SDC2: variants seen among roughly 807,000 people sequenced by gnomAD.
The protein encoded by SDC2 is syndecan 2, also known as syndecan-2.
Under a neutral mutation model 22.2 loss-of-function variants are expected in SDC2, and 13 were observed. That is an observed-to-expected ratio of 0.59 (90% confidence interval 0.38 to 0.93). The LOEUF is 0.93. SDC2 is among the 40% of genes least tolerant of loss of function. The pLI is 0.00. For missense variants in SDC2, 235 were observed against 246.8 expected (o/e 0.95, Z 0.32); for synonymous variants, 94 against 92.8 (o/e 1.01, Z -0.07).
intron 2 of SDC2, among the ~76,000 whole-genome samples, chr8:96,597,833 G>T (rs1814905357): frequency 6.6e-6 from 1 of 152,114 alleles, no homozygotes; most frequent in African/African-American, 2.4e-5. Context: ...TAGGTTCTAG[G>T]GACACTTCAG....
intron 1 of SDC2, among the ~76,000 whole-genome samples, chr8:96,585,618 G>C (rs1814670321): frequency 6.6e-6 from 1 of 152,124 alleles, no homozygotes; most frequent in African/African-American, 2.4e-5. Flanking sequence ...ATAAGCATAT[G>C]AGATCTTTCT....
chr8:96,562,514 A>G (rs1814226676), intron 1 of SDC2, among the ~76,000 whole-genome samples: 1 of 152,166 alleles, frequency 6.6e-6, no homozygotes, highest in Non-Finnish European at 1.5e-5. Context: ...GAAGAGACTC[A>G]TTGTTACTGG....
chr8:96,512,288 A>T (rs990979372), intron 1 of SDC2, among the ~76,000 whole-genome samples: 4 of 152,204 alleles, frequency 2.6e-5, no homozygotes, highest in Admixed American at 6.5e-5. Context: ...ATTGATGACA[A>T]CCAGGAGCGA....
intron 1 of SDC2, among the ~76,000 whole-genome samples, chr8:96,533,487 T>C (rs1413345855): frequency 6.6e-6 from 1 of 152,070 alleles, no homozygotes; most frequent in Non-Finnish European, 1.5e-5. Flanking sequence ...AACCTTGAGC[T>C]AGACACAGGG....
intron 2 of SDC2, among the ~76,000 whole-genome samples, 196 bp from the exon 3 acceptor site, chr8:96,602,199 G>T (rs1814999827): frequency 1.3e-5 from 2 of 152,208 alleles, no homozygotes; most frequent in Admixed American, 1.3e-4. Context: ...AAACTTGCTA[G>T]ACTACCCACA....
chr8:96,502,020 G>A (rs765669376), intron 1 of SDC2, among the ~76,000 whole-genome samples: 8 of 152,042 alleles, frequency 5.3e-5, no homozygotes, highest in African/African-American at 1.9e-4. Context: ...CTGCGTATTC[G>A]TGATCTAATG....
At chr8:96,540,336 A>ATG (rs897246275) in intron 1 of SDC2, among the ~76,000 whole-genome samples, 66 of 105,380 alleles carry the variant, frequency 6.3e-4, no homozygotes, top group Non-Finnish European at 8.8e-4. Context: ...TACTATATAT[A>ATG]TGTGTATATA....
chr8:96,593,537 G>T lies in SDC2; in HGVS notation c.118G>T (p.Ala40Ser). ...MYLDNSSIEE[A>S]SGVYPIDDDD... ...CCTTGACAACAGCTCCATTGAAGAAGCTTCAGGAGTGTATCCTATTGATGA... is the reference window on the plus strand; with the variant it reads ...CCTTGACAACAGCTCCATTGAAGAATCTTCAGGAGTGTATCCTATTGATGA... Residue 40 changes from alanine to serine, a missense_variant, in exon 2 of 5, where the codon GCT (alanine) becomes TCT (serine). By Grantham distance (99) the Ala-to-Ser change is moderately conservative. Transcript: ENST00000302190. 1 of 1,614,164 alleles carries T rather than the reference G, an allele frequency of 6.2e-7. No homozygotes were observed. The highest frequency in any genetic ancestry group is 8.5e-7 in the Non-Finnish European group (1 of 1,179,986).
intron 1 of SDC2, among the ~76,000 whole-genome samples, chr8:96,501,134 T>C (rs890117637): frequency 6.6e-6 from 1 of 152,092 alleles, no homozygotes; most frequent in African/African-American, 2.4e-5. Flanking sequence ...TGGTGTTTTT[T>C]TTTATGATTA....
At chr8:96,498,456 C>T (rs951079553) in intron 1 of SDC2, among the ~76,000 whole-genome samples, 3 of 150,576 alleles carry the variant, frequency 2.0e-5, no homozygotes, top group Non-Finnish European at 1.5e-5. Flanking sequence ...GTGGTCCCTT[C>T]CTGCAGCGCT....
At chr8:96,495,655 A>G (rs888427777) in intron 1 of SDC2, among the ~76,000 whole-genome samples, 1 of 152,072 alleles carries the variant, frequency 6.6e-6, no homozygotes, top group African/African-American at 2.4e-5. Context: ...AGGTAGTTTT[A>G]TGAGTTTGAG....
intron 1 of SDC2, among the ~76,000 whole-genome samples, chr8:96,584,652 G>A (rs990825780): frequency 6.6e-6 from 1 of 152,168 alleles, no homozygotes; most frequent in Non-Finnish European, 1.5e-5. Context: ...CACAGCTTCT[G>A]TTTTTACTCT....
chr8:96,506,713 A>T (rs1813244549), intron 1 of SDC2, among the ~76,000 whole-genome samples: 1 of 152,026 alleles, frequency 6.6e-6, no homozygotes, highest in African/African-American at 2.4e-5. Flanking sequence ...GTTCAGTTAG[A>T]TCAAATAGCC....
At chr8:96,555,862 C>G (rs755776230) in intron 1 of SDC2, among the ~76,000 whole-genome samples, 1 of 152,116 alleles carries the variant, frequency 6.6e-6, no homozygotes, top group Admixed American at 6.5e-5. Flanking sequence ...TTTTAAACTT[C>G]TTTGTTTGTT....
At chr8:96,554,262 C>G (rs377670529) in intron 1 of SDC2, among the ~76,000 whole-genome samples, 2 of 152,012 alleles carry the variant, frequency 1.3e-5, no homozygotes, top group South Asian at 4.1e-4. Context: ...TATTGAAATA[C>G]GTATTTGAGT....
At chr8:96,576,147 A>G (rs2262368) in intron 1 of SDC2, among the ~76,000 whole-genome samples, 42,605 of 151,648 alleles carry the variant, frequency 0.28, 6,409 homozygotes, top group African/African-American at 0.39. Context: ...ACTACAGGCT[A>G]GTATAATTTT....
intron 1 of SDC2, among the ~76,000 whole-genome samples, chr8:96,503,666 G>A (rs1813198982): frequency 6.6e-6 from 1 of 152,204 alleles, no homozygotes; most frequent in Non-Finnish European, 1.5e-5. Context: ...CGGAAACTAG[G>A]AAGGGGCACA....
chr8:96,530,718 T>C (rs980425966), intron 1 of SDC2, among the ~76,000 whole-genome samples: 6 of 152,230 alleles, frequency 3.9e-5, no homozygotes, highest in African/African-American at 1.4e-4. Flanking sequence ...CAGTGTACCT[T>C]AACTTTCTGA....
At chr8:96,588,443 T>C (rs1355781433) in intron 1 of SDC2, among the ~76,000 whole-genome samples, 2 of 152,262 alleles carry the variant, frequency 1.3e-5, no homozygotes, top group African/African-American at 4.8e-5. Flanking sequence ...AATAGTTTAC[T>C]GAGTCACCTA....
Sources: gnomAD v4.1 joint callset for allele counts (sites outside exome capture counted in the v4.1 genomes callset) on GRCh38, gnomAD v4.1.1 for gene constraint, MANE v1.5 for transcripts, NCBI Gene and HGNC (gene_info 2026-07-23, HGNC 2026-07-21) for gene names.